Variants in SLC17A5 observed in about 807,000 individuals in gnomAD.
SLC17A5 encodes sialin.
SLC17A5 carries 47 observed loss-of-function variants against 59.4 expected under a neutral mutation model. The ratio of observed to expected loss-of-function variants is 0.79; its 90% confidence interval spans 0.63 to 1.01. SLC17A5 has a LOEUF of 1.01. SLC17A5 is among the 50% of genes least tolerant of loss of function. The pLI, the probability that SLC17A5 is intolerant of heterozygous loss-of-function variation, is 0.00. For synonymous variants in SLC17A5, 202 were observed against 210.7 expected (o/e 0.96, Z 0.36); for missense variants, 522 against 595.5 (o/e 0.88, Z 1.28).
intron 9 of SLC17A5, among the ~76,000 whole-genome samples, chr6:73,602,056 A>G (rs934915253): frequency 1.7e-4 from 26 of 152,056 alleles, no homozygotes; most frequent in African/African-American, 5.8e-4. Context: ...GTGTAGAAAG[A>G]AGTAGACATG....
rs1581947462 is a variant in SLC17A5, at chr6:73,593,819, C to G, written c.*1258G>C. On this transcript the variant is annotated 3_prime_UTR_variant, in exon 11 of 11. Transcript: ENST00000355773. The stretch of plus-strand genomic sequence containing the variant: ...GTGGCTCATGCCTGTAGTCTCAACA[C>G]TTTGTGAGGCCGAGACAGGAGGATC... The G allele has an allele frequency of 6.6e-6, 1 of 152,176 alleles. No homozygotes were observed. Among genetic ancestry groups the G allele is most frequent in the East Asian group, 1.9e-4 (1 of 5,172 alleles). 9.4% of individuals were successfully genotyped at this position (152,176 alleles called of 1,614,324 possible).
chr6:73,643,285 C>G (rs982094574), intron 2 of SLC17A5, among the ~76,000 whole-genome samples: 2 of 150,298 alleles, frequency 1.3e-5, no homozygotes, highest in Non-Finnish European at 3.0e-5. Flanking sequence ...TTCAGCCTCC[C>G]GAGTAGCTGG....
chr6:73,638,060 T>C lies in SLC17A5; in HGVS notation c.613+352A>G, dbSNP rs146852194. 1.6e-3 allele frequency among the ~76,000 whole-genome samples: 242 copies of C among 152,114 alleles called. 6 individuals are homozygous for C. In the East Asian group the frequency reaches 0.036, roughly 23 times the overall value. ...TTTTCTAGCTACTGGCCTTTTTTTT[T>C]CTTTTTTTTAAATAGCATCTCTAAA... On this transcript the variant is annotated intron_variant, in intron 4 of 10. Coordinates refer to ENST00000355773, the MANE Select transcript of SLC17A5 (RefSeq NM_012434.5).
chr6:73,619,382 T>A (rs1768030750), intron 7 of SLC17A5, among the ~76,000 whole-genome samples: 1 of 152,100 alleles, frequency 6.6e-6, no homozygotes, highest in Non-Finnish European at 1.5e-5. Context: ...AAAGCAAGCT[T>A]ATTTTGAACA....
At chr6:73,600,246 T>C (rs1464688179) in intron 10 of SLC17A5, 105 bp downstream of exon 10, 3 of 894,224 alleles carry the variant, frequency 3.4e-6, no homozygotes, top group South Asian at 1.5e-5. Flanking sequence ...AAAAAGAATT[T>C]CATAAGAACA....
At chr6:73,617,574 T>G (rs557658996) in intron 7 of SLC17A5, among the ~76,000 whole-genome samples, 74 of 152,208 alleles carry the variant, frequency 4.9e-4, no homozygotes, top group Non-Finnish European at 8.4e-4. Context: ...CTAGGCACGG[T>G]GGCTCATGCC....
chr6:73,650,391 C>G (rs538208199), intron 1 of SLC17A5, among the ~76,000 whole-genome samples: 3 of 150,672 alleles, frequency 2.0e-5, no homozygotes, highest in Admixed American at 1.3e-4. Context: ...TGCCTGTAGT[C>G]CCAGCTACTC....
chr6:73,652,665 G>C (rs540190239), intron 1 of SLC17A5, among the ~76,000 whole-genome samples: 15 of 152,250 alleles, frequency 9.9e-5, no homozygotes, highest in African/African-American at 3.6e-4. Context: ...TCAGTTTATG[G>C]AACTAAGTCC....
chr6:73,648,298 AAG>A (rs1427586837), intron 1 of SLC17A5, among the ~76,000 whole-genome samples: 11 of 152,082 alleles, frequency 7.2e-5, no homozygotes, highest in Non-Finnish European at 1.3e-4. Flanking sequence ...TTGCATGACC[AAG>A]AGAGAGAACA....
chr6:73,607,094 C>T (rs1561986862), intron 9 of SLC17A5, among the ~76,000 whole-genome samples: 3 of 152,178 alleles, frequency 2.0e-5, no homozygotes, highest in Admixed American at 6.6e-5. Context: ...GGTCACCACA[C>T]CTGACTCAAA....
At chr6:73,645,508 C>G (rs962862692) in intron 1 of SLC17A5, 10 of 985,028 alleles carry the variant, frequency 1.0e-5, no homozygotes, top group Non-Finnish European at 1.2e-5. Context: ...AAAAGGATGC[C>G]GGGCACAGTG....
intron 9 of SLC17A5, among the ~76,000 whole-genome samples, chr6:73,607,747 C>T (rs960223167): frequency 2.0e-5 from 3 of 151,200 alleles, no homozygotes; most frequent in African/African-American, 7.3e-5. Flanking sequence ...GGCTGGATGG[C>T]TGCTGAACCA....
chr6:73,653,697 G>C, intron 1 of SLC17A5, 96 bp downstream of exon 1: 1 of 1,289,304 alleles, frequency 7.8e-7, no homozygotes, highest in Non-Finnish European at 1.1e-6. Context: ...CGGTCCCGCC[G>C]GCGCAGGGTG....
intron 6 of SLC17A5, among the ~76,000 whole-genome samples, chr6:73,626,806 C>G (rs1314825202): frequency 2.6e-5 from 4 of 152,194 alleles, no homozygotes; most frequent in Non-Finnish European, 5.9e-5. Context: ...GAGTCTTGCT[C>G]TGTTGCCCAG....
At chr6:73,604,154 A>T (rs1767290417) in intron 9 of SLC17A5, among the ~76,000 whole-genome samples, 1 of 151,896 alleles carries the variant, frequency 6.6e-6, no homozygotes, top group Admixed American at 6.6e-5. Flanking sequence ...TTTCTTTTTA[A>T]ACCATTAACA....
chr6:73,603,086 GTTA>G (rs1767225227), intron 9 of SLC17A5, among the ~76,000 whole-genome samples: 1 of 151,916 alleles, frequency 6.6e-6, no homozygotes, highest in Non-Finnish European at 1.5e-5. Flanking sequence ...TTTCTAGTAT[GTTA>G]TTATAGACGT....
intron 6 of SLC17A5, among the ~76,000 whole-genome samples, chr6:73,631,530 A>C (rs747320080): frequency 6.6e-6 from 1 of 151,688 alleles, no homozygotes; most frequent in Non-Finnish European, 1.5e-5. Flanking sequence ...GTTCCTCTCA[A>C]CTCTGCACTA....
chr6:73,607,484 T>G (rs938944861), intron 9 of SLC17A5, among the ~76,000 whole-genome samples: 2 of 152,146 alleles, frequency 1.3e-5, no homozygotes, highest in South Asian at 4.1e-4. Flanking sequence ...CAGGCTGGTC[T>G]TGAACTCCTG....
At chr6:73,602,040 G>C (rs75486254) in intron 9 of SLC17A5, among the ~76,000 whole-genome samples, 8 of 151,604 alleles carry the variant, frequency 5.3e-5, no homozygotes, top group East Asian at 1.9e-4. Context: ...GATGGTTGCC[G>C]TGTCTGTGTA....
Sources: allele counts gnomAD v4.1 joint callset (sites outside exome capture counted in the v4.1 genomes callset), GRCh38; gene constraint gnomAD v4.1.1; transcripts MANE v1.5; gene names NCBI Gene and HGNC (gene_info 2026-07-23, HGNC 2026-07-21).